Variants in RAG2 observed in about 807,000 individuals in gnomAD.
The protein encoded by RAG2 is recombination activating 2.
In RAG2, 16 loss-of-function variants were observed where a neutral mutation model predicts 31.8. That is an observed-to-expected ratio of 0.50 (90% CI 0.34 to 0.76). The LOEUF is 0.76. Ranked by LOEUF, RAG2 falls within the 30% of genes least tolerant of loss-of-function variation. RAG2 has a pLI of 0.01. For synonymous variants in RAG2, 199 were observed against 215.9 expected (o/e 0.92, Z 0.68); for missense variants, 622 against 628.5 (o/e 0.99, Z 0.11).
Position 36,593,697 on chromosome 11 carries a change from C to T in RAG2, c.472G>A (p.Gly158Arg). Residue 158 changes from glycine (G) to arginine (R), a missense_variant, in exon 2 of 2, where the codon GGA becomes AGA. By Grantham distance (125) the Gly-to-Arg change is moderately radical (BLOSUM62 -2). Coordinates refer to ENST00000311485, the MANE Select transcript of RAG2 (RefSeq NM_000536.4). Reference sequence around the variant, plus strand: ...TGGGTAGAAGGCATGTATGAGCGTCCTCCAAAGAGAACACCCATACTTTTC... The same window carrying T: ...TGGGTAGAAGGCATGTATGAGCGTCTTCCAAAGAGAACACCCATACTTTTC... ...RGKSMGVLFG[G>R]RSYMPSTHRT... The T allele has an allele frequency of 6.2e-7, 1 of 1,614,154 alleles. No individual in the cohort carries two copies.
intron 1 of RAG2, chr11:36,597,756 G>GTGAA (rs1285902112): frequency 9.9e-5 from 15 of 152,264 alleles, no homozygotes; most frequent in African/African-American, 3.6e-4. Flanking sequence ...CATTTAATGT[G>GTGAA]TGAATAACAG....
intron 1 of RAG2, chr11:36,594,469 A>C: frequency 7.2e-6 from 3 of 416,394 alleles, no homozygotes; most frequent in Non-Finnish European, 1.3e-5. Flanking sequence ...ACCATGCGTC[A>C]GCTGAAAGAA....
downstream of RAG2, among the ~76,000 whole-genome samples, chr11:36,591,036 TTAGGTAACA>T (rs1261977713): frequency 6.6e-6 from 1 of 152,190 alleles, no homozygotes; most frequent in Non-Finnish European, 1.5e-5. Context: ...TTGCCGTTAT[TTAGGTAACA>T]TATCTTAATA....
Position 36,598,196 on chromosome 11 carries a change from A to T in RAG2, c.-122T>A, listed in dbSNP as rs1851357916. 6.6e-6 allele frequency: 1 copy of T among 152,082 alleles called. No individual in the cohort carries two copies. The highest frequency in any genetic ancestry group is 2.1e-4 in the South Asian group (1 of 4,824). The allele number at this position is 152,082 out of a possible 1,614,324, so 9.4% of individuals were successfully genotyped here. A position where few individuals can be genotyped will look rare whatever the true frequency, so the allele number is the denominator to read the frequency against. ...CTTGGGGAAGATTCACTGACTGCCC[A>T]CTATGACTGTGGCAAGCAGAAGGCT... On this transcript the variant is annotated 5_prime_UTR_variant, in exon 1 of 2. Coordinates refer to ENST00000311485, the MANE Select transcript of RAG2 (RefSeq NM_000536.4).
chr11:36,596,904 A>G (rs867804), intron 1 of RAG2, among the ~76,000 whole-genome samples: 23,158 of 152,258 alleles, frequency 0.15, 2,517 homozygotes, highest in African/African-American at 0.31. Flanking sequence ...TGGGCAAGAC[A>G]TAAGGAGGAT....
Position 36,593,076 on chromosome 11 carries a change from T to C in RAG2, c.1093A>G (p.Ser365Gly). The C allele has an allele frequency of 6.2e-7, 1 of 1,614,132 alleles. No homozygotes were observed. Among genetic ancestry groups the C allele is most frequent in the African/African-American group, 1.3e-5 (1 of 75,044 alleles). The change falls in exon 2 of 2, where the codon AGT becomes GGT. Residue 365 changes from serine to glycine, a missense_variant. Transcript: ENST00000311485. ...TNEEQTTFTNSQTSTEDPGDS... is the reference protein window; with the variant it reads ...TNEEQTTFTNGQTSTEDPGDS... The stretch of plus-strand genomic sequence containing the variant: ...CCTGGATCTTCTGTTGATGTTTGAC[T>C]GTTTGTGAATGTTGTCTGCTCTTCA...
Position 36,592,710 on chromosome 11 carries a change from C to T in RAG2, c.1459G>A (p.Ala487Thr), listed in dbSNP as rs374892361. ...AGGACTCTTTGGGGAGTGTGTAGAG[C>T]TCTTGCTATCTCCACATGCTCATTG... is the stretch of plus-strand genomic sequence containing the variant. Reference protein sequence around the residue: ...YCNEHVEIARALHTPQRVLPL... With the variant: ...YCNEHVEIARTLHTPQRVLPL... The change falls in exon 2 of 2, where the codon GCT becomes ACT. Residue 487 changes from alanine (A) to threonine (T), a missense_variant. By Grantham distance (58) the Ala-to-Thr change is moderately conservative (BLOSUM62 0). Transcript: ENST00000311485. The T allele has an allele frequency of 6.2e-7, 1 of 1,613,980 alleles. No individual in the cohort carries two copies. The highest frequency in any genetic ancestry group is 8.5e-7 in the Non-Finnish European group (1 of 1,179,964).
At position 36,593,146 on chromosome 11, in the gene RAG2, T is replaced by G; in HGVS notation, c.1023A>C (p.Glu341Asp). The G allele has an allele frequency of 6.2e-7, 1 of 1,614,208 alleles. No homozygotes were observed. The highest frequency in any genetic ancestry group is 8.5e-7 in the Non-Finnish European group (1 of 1,180,030). The change falls in exon 2 of 2, where the codon GAA becomes GAC. Residue 341 changes from glutamate to aspartate, a missense_variant. By Grantham distance (45) the Glu-to-Asp change is conservative (BLOSUM62 2). Coordinates refer to ENST00000311485, the MANE Select transcript of RAG2 (RefSeq NM_000536.4). ...ATTTCAACATATAGAAATAGAATCC[T>G]TCTGAAACAACTTGTTTATTGTCTC... Reference protein sequence around the residue: ...IPGDNKQVVSEGFYFYMLKCA... With the variant: ...IPGDNKQVVSDGFYFYMLKCA...
chr11:36,591,208 T>C (rs1368553212), downstream of RAG2, among the ~76,000 whole-genome samples: 1 of 152,150 alleles, frequency 6.6e-6, no homozygotes, highest in East Asian at 1.9e-4. Context: ...TATGATTCAG[T>C]TTATCAAAGT....
intron 1 of RAG2, chr11:36,594,558 C>G (rs893156759): frequency 8.3e-6 from 2 of 241,248 alleles, no homozygotes; most frequent in Non-Finnish European, 1.6e-5. Flanking sequence ...AGAGGGGACT[C>G]CTGGAATGTG....
chr11:36,591,598 T>TACACACACACAC (rs3084298), downstream of RAG2, among the ~76,000 whole-genome samples: 1 of 149,118 alleles, frequency 6.7e-6, no homozygotes, highest in African/African-American at 2.4e-5. Flanking sequence ...ACATGTTAAC[T>TACACACACACAC]ACACACACAC....
intron 1 of RAG2, chr11:36,594,551 G>C (rs1851125366): frequency 1.2e-5 from 3 of 260,630 alleles, no homozygotes; most frequent in African/African-American, 4.4e-5. Flanking sequence ...CTCTGGGAGA[G>C]GGGACTCCTG....
chr11:36,593,332 A>C lies in RAG2; in HGVS notation c.837T>G (p.Leu279=). Residue 279 remains leucine (L), a synonymous_variant, in exon 2 of 2, where the codon CTT becomes CTG. Coordinates refer to ENST00000311485, the MANE Select transcript of RAG2 (RefSeq NM_000536.4). ...TGCAGATCATTCTTTTTTGATTTTC[A>C]AGCTGATAGCCACCAACAATAACAA... ...DEFVIVGGYQ[L]ENQKRMICNI... is the part of the protein sequence containing the mutation. The C allele has an allele frequency of 7.4e-6, 12 of 1,614,048 alleles. No homozygotes were observed. The highest frequency in any genetic ancestry group is 1.0e-5 in the Non-Finnish European group (12 of 1,179,998).
chr11:36,594,414 C>A (rs904345209), intron 1 of RAG2: 33 of 554,772 alleles, frequency 5.9e-5, no homozygotes, highest in Middle Eastern at 9.5e-4. Flanking sequence ...GGACTATATG[C>A]TCCCTAGGAT....
In RAG2 at chr11:36,593,981, G is replaced by A; in HGVS notation, c.188C>T (p.Ser63Phe). 6.2e-7 allele frequency: 1 copy of A among 1,614,162 alleles called. No homozygotes were observed. The highest frequency in any genetic ancestry group is 8.5e-7 in the Non-Finnish European group (1 of 1,180,022). Reference sequence around the variant, plus strand: ...AGGAGGGAGGTAGCAGGAATCCTTAGAGAAAATTGTAGGCTTCAGTTTGAC... The same window carrying A: ...AGGAGGGAGGTAGCAGGAATCCTTAAAGAAAATTGTAGGCTTCAGTTTGAC... ...NHVKLKPTIFSKDSCYLPPLR... is the reference protein window; with the variant it reads ...NHVKLKPTIFFKDSCYLPPLR... The change falls in exon 2 of 2, where the codon TCT becomes TTT. Residue 63 changes from serine to phenylalanine, a missense_variant. Physicochemically the swap from Ser to Phe is radical, Grantham distance 155. Transcript: ENST00000311485.
At chr11:36,595,095 T>C (rs1851157547) in intron 1 of RAG2, 1 of 152,242 alleles carries the variant, frequency 6.6e-6, no homozygotes, top group Admixed American at 6.5e-5. Flanking sequence ...CGAGTGCACT[T>C]TGAAGGTCCT....
At chr11:36,596,222 G>GTTTTTTTTT (rs67282079) in intron 1 of RAG2, among the ~76,000 whole-genome samples, 2 of 118,378 alleles carry the variant, frequency 1.7e-5, no homozygotes, top group African/African-American at 6.2e-5. Flanking sequence ...TTTTTTTTTT[G>GTTTTTTTTT]TTTTTTTTTT....
chr11:36,592,652 C>G lies in RAG2; in HGVS notation c.1517G>C (p.Arg506Pro), dbSNP rs144812762. ...CAAGATTTTTCCAGAACCTTTTTTA[C>G]GGAGGGATTTCATTGGAGGCTTTTT... ...PLKKPPMKSL[R>P]KKGSGKILTP... The change falls in exon 2 of 2, where the codon CGT becomes CCT. Residue 506 changes from arginine (R) to proline (P), a missense_variant. Physicochemically the swap from Arg to Pro is moderately radical, Grantham distance 103. Coordinates refer to ENST00000311485, the MANE Select transcript of RAG2 (RefSeq NM_000536.4). 1.2e-6 allele frequency: 2 copies of G among 1,614,040 alleles called. No homozygotes were observed. The highest frequency in any genetic ancestry group is 4.5e-5 in the East Asian group (2 of 44,886).
chr11:36,591,347 G>A (rs11822918), downstream of RAG2, among the ~76,000 whole-genome samples: 20,713 of 152,072 alleles, frequency 0.14, 1,778 homozygotes, highest in African/African-American at 0.24. Context: ...CTTTCAGTGA[G>A]GAGTAAGAGT....
Sources: allele counts gnomAD v4.1 joint callset (sites outside exome capture counted in the v4.1 genomes callset), GRCh38; gene constraint gnomAD v4.1.1; transcripts MANE v1.5; gene names NCBI Gene and HGNC (gene_info 2026-07-23, HGNC 2026-07-21).